Variants in ZRANB3 observed in about 807,000 individuals in gnomAD.
The protein encoded by ZRANB3 is zinc finger RANBP2-type containing 3.
Under a neutral mutation model 133.8 loss-of-function variants are expected in ZRANB3, and 125 were observed. That is an observed-to-expected ratio of 0.93 (90% CI 0.81 to 1.08). ZRANB3 has a LOEUF of 1.08. ZRANB3 is among the 50% of genes least tolerant of loss of function. The pLI, the probability that ZRANB3 is intolerant of heterozygous loss-of-function variation, is 0.00. For synonymous variants in ZRANB3, 387 were observed against 432.7 expected (o/e 0.89, Z 1.31); for missense variants, 1,229 against 1,275.5 (o/e 0.96, Z 0.56).
intron 7 of ZRANB3, 31 bp downstream of exon 7, chr2:135,315,328 G>GT: frequency 6.9e-7 from 1 of 1,458,236 alleles, no homozygotes; most frequent in Non-Finnish European, 9.0e-7. Flanking sequence ...ATTATTTAAA[G>GT]TAAGACTTTA....
At chr2:135,230,485 C>T (rs1694950670) in intron 13 of ZRANB3, 28 bp downstream of exon 13, 2 of 1,470,832 alleles carry the variant, frequency 1.4e-6, no homozygotes, top group Admixed American at 2.6e-5. Flanking sequence ...ACAGCCCTTA[C>T]CTCCATGGTC....
intron 2 of ZRANB3, among the ~76,000 whole-genome samples, chr2:135,436,197 A>C (rs1689524696): frequency 1.3e-5 from 2 of 152,168 alleles, no homozygotes; most frequent in African/African-American, 4.8e-5. Context: ...AATCTTCTAC[A>C]TATGTCTAGC....
At chr2:135,369,536 G>A (rs1686076788) in intron 3 of ZRANB3, among the ~76,000 whole-genome samples, 1 of 151,948 alleles carries the variant, frequency 6.6e-6, no homozygotes, top group East Asian at 1.9e-4. Flanking sequence ...TATATAAGAA[G>A]AGGACACGAA....
chr2:135,373,556 G>A (rs556499819), intron 3 of ZRANB3, among the ~76,000 whole-genome samples: 4 of 152,268 alleles, frequency 2.6e-5, no homozygotes, highest in South Asian at 2.1e-4. Flanking sequence ...GGGAGGCCGA[G>A]GCAGGCGGAC....
At chr2:135,479,065 G>A (rs766464439) in intron 2 of ZRANB3, among the ~76,000 whole-genome samples, 1 of 151,108 alleles carries the variant, frequency 6.6e-6, no homozygotes, top group African/African-American at 2.4e-5. Flanking sequence ...TCTAACAATA[G>A]TATAAGACAG....
At chr2:135,319,408 G>A (rs745357637) in intron 6 of ZRANB3, among the ~76,000 whole-genome samples, 1 of 152,090 alleles carries the variant, frequency 6.6e-6, no homozygotes, top group Non-Finnish European at 1.5e-5. Flanking sequence ...GGATACTTCA[G>A]TCTTTACTCA....
At chr2:135,339,431 A>C (rs1032892686) in intron 6 of ZRANB3, among the ~76,000 whole-genome samples, 1 of 151,410 alleles carries the variant, frequency 6.6e-6, no homozygotes, top group African/African-American at 2.4e-5. Flanking sequence ...AAAAACAAAG[A>C]ATTAGCCAGA....
At chr2:135,298,922 G>A (rs1351190915) in intron 8 of ZRANB3, among the ~76,000 whole-genome samples, 2 of 152,114 alleles carry the variant, frequency 1.3e-5, no homozygotes, top group East Asian at 1.9e-4. Context: ...CTGAGTCGCT[G>A]TAATGGCTTG....
chr2:135,293,402 T>G (rs1037263145), intron 8 of ZRANB3, among the ~76,000 whole-genome samples: 1 of 152,104 alleles, frequency 6.6e-6, no homozygotes, highest in Non-Finnish European at 1.5e-5. Flanking sequence ...TGTTTGTCTG[T>G]TATTGGTGTA....
At chr2:135,478,390 C>A (rs1691598219) in intron 2 of ZRANB3, among the ~76,000 whole-genome samples, 1 of 152,094 alleles carries the variant, frequency 6.6e-6, no homozygotes, top group Admixed American at 6.6e-5. Context: ...CAGCACCCCC[C>A]CGAAGCCTCT....
At chr2:135,229,485 A>G (rs1327320739) in intron 13 of ZRANB3, among the ~76,000 whole-genome samples, 1 of 149,304 alleles carries the variant, frequency 6.7e-6, no homozygotes, top group East Asian at 2.0e-4. Context: ...CTCCTGCCTC[A>G]GCCTCCCGAG....
intron 1 of ZRANB3, among the ~76,000 whole-genome samples, chr2:135,508,128 G>GT (rs1226927730): frequency 1.3e-5 from 2 of 151,876 alleles, no homozygotes; most frequent in Non-Finnish European, 2.9e-5. Context: ...CACAATATTT[G>GT]TTTTTTGTTT....
At chr2:135,349,846 T>C (rs1440774843) in intron 5 of ZRANB3, 138 bp downstream of exon 5, 1 of 641,500 alleles carries the variant, frequency 1.6e-6, no homozygotes, top group Non-Finnish European at 2.7e-6. Flanking sequence ...ATACGTACTA[T>C]CTAGAAATTC....
chr2:135,352,070 G>A (rs868304706), intron 4 of ZRANB3, among the ~76,000 whole-genome samples: 3 of 152,030 alleles, frequency 2.0e-5, no homozygotes, highest in Non-Finnish European at 4.4e-5. Context: ...AGTGGCTCAC[G>A]CCTGTAATCC....
intron 2 of ZRANB3, among the ~76,000 whole-genome samples, chr2:135,415,905 C>A (rs1335275766): frequency 1.3e-5 from 2 of 152,050 alleles, no homozygotes; most frequent in Non-Finnish European, 2.9e-5. Context: ...CAAAATTCAA[C>A]AACCCTTCAT....
chr2:135,383,437 C>T (rs376971537), intron 3 of ZRANB3, among the ~76,000 whole-genome samples: 4 of 152,068 alleles, frequency 2.6e-5, no homozygotes, highest in Non-Finnish European at 4.4e-5. Context: ...GACAGATCAA[C>T]GAGACAGAAA....
chr2:135,275,948 G>T (rs1475232216), intron 8 of ZRANB3, among the ~76,000 whole-genome samples, 193 bp from the exon 9 acceptor site: 1 of 151,986 alleles, frequency 6.6e-6, no homozygotes, highest in Non-Finnish European at 1.5e-5. Flanking sequence ...ACAAGAAGGG[G>T]AAAAACTGAG....
chr2:135,360,812 A>G (rs997077687), intron 3 of ZRANB3, among the ~76,000 whole-genome samples: 1 of 152,148 alleles, frequency 6.6e-6, no homozygotes, highest in Non-Finnish European at 1.5e-5. Flanking sequence ...CCCAGGTTGG[A>G]GTGCTGTGGC....
At chr2:135,309,059 C>G (rs1217851621) in intron 8 of ZRANB3, among the ~76,000 whole-genome samples, 1 of 150,104 alleles carries the variant, frequency 6.7e-6, no homozygotes. Flanking sequence ...CGGCTCACTG[C>G]AAGCGCTGCC....
Sources: allele counts gnomAD v4.1 joint callset (sites outside exome capture counted in the v4.1 genomes callset), GRCh38; gene constraint gnomAD v4.1.1; transcripts MANE v1.5; gene names NCBI Gene and HGNC (gene_info 2026-07-23, HGNC 2026-07-21).